Variants in COL18A1 observed in about 807,000 individuals in gnomAD.
The protein encoded by COL18A1 is collagen alpha-1(XVIII) chain.
In COL18A1, 133 loss-of-function variants were observed where a neutral mutation model predicts 168.0. That is an observed-to-expected ratio of 0.79 (90% CI 0.69 to 0.91). The LOEUF is 0.91. COL18A1 is among the 40% of genes least tolerant of loss of function. The probability of loss-of-function intolerance (pLI) is 0.00; values close to 1 mark genes in which losing one functional copy is unlikely to be tolerated. For synonymous variants in COL18A1, 949 were observed against 809.0 expected, an observed-to-expected ratio of 1.17 and a Z score of -2.94; for missense variants, 2,126 against 1,925.4, an observed-to-expected ratio of 1.10 and a Z score of -1.95.
At chr21:45,459,981 G>A (rs1300203021) in intron 2 of COL18A1, among the ~76,000 whole-genome samples, 2 of 144,052 alleles carry the variant, frequency 1.4e-5, no homozygotes, top group Non-Finnish European at 2.9e-5. Flanking sequence ...CCTGGGACCG[G>A]AGGCAGGTGA....
chr21:45,508,393 ATGG>A (rs2037366171), intron 38 of COL18A1, among the ~76,000 whole-genome samples: 1 of 136,910 alleles, frequency 7.3e-6, no homozygotes. Flanking sequence ...GGGCAGATGG[ATGG>A]TGGATAGGTA....
At chr21:45,496,001 CAT>C (rs1568928365) in intron 29 of COL18A1, 12 of 349,126 alleles carry the variant, frequency 3.4e-5, no homozygotes, top group Non-Finnish European at 5.1e-5. Flanking sequence ...TATATGCACA[CAT>C]GTGCACCCAT....
At chr21:45,497,151 C>T (rs1209714533) in intron 31 of COL18A1, 59 bp downstream of exon 31, 1 of 1,090,914 alleles carries the variant, frequency 9.2e-7, no homozygotes, top group East Asian at 2.3e-5. Flanking sequence ...TCCAGAGCCC[C>T]ACCTTCCTTC....
At chr21:45,405,264 G>C (rs1452475260) in intron 1 of COL18A1, 23 bp downstream of exon 1, 4 of 486,698 alleles carry the variant, frequency 8.2e-6, no homozygotes, top group Middle Eastern at 5.9e-4. Flanking sequence ...CTGCGGGCAG[G>C]GGTTGGGGGA....
chr21:45,418,468 G>C (rs1266943598), intron 2 of COL18A1, among the ~76,000 whole-genome samples: 1 of 152,144 alleles, frequency 6.6e-6, no homozygotes, highest in East Asian at 1.9e-4. Flanking sequence ...AACAGCTGCC[G>C]GGTGTTTAGA....
chr21:45,487,092 G>C, intron 16 of COL18A1, 100 bp downstream of exon 16: 4 of 1,215,008 alleles, frequency 3.3e-6, no homozygotes, highest in Non-Finnish European at 4.5e-6. Flanking sequence ...CACGTCCTGG[G>C]CGGTGGCCTT....
intron 2 of COL18A1, among the ~76,000 whole-genome samples, chr21:45,465,283 G>A (rs958519891): frequency 6.6e-5 from 10 of 152,322 alleles, no homozygotes; most frequent in Non-Finnish European, 1.0e-4. Flanking sequence ...TTGGGTCAGC[G>A]CTGACGGTGG....
At chr21:45,510,317 G>T in intron 40 of COL18A1, 56 bp downstream of exon 40, 1 of 1,535,344 alleles carries the variant, frequency 6.5e-7, no homozygotes, top group African/African-American at 1.4e-5. Context: ...TGACCTCTGG[G>T]GTGAACTCCC....
intron 3 of COL18A1, among the ~76,000 whole-genome samples, chr21:45,472,781 C>A (rs1379861123): frequency 6.7e-6 from 1 of 148,282 alleles, no homozygotes; most frequent in Non-Finnish European, 1.5e-5. Context: ...TGTGGGAAAC[C>A]CAGGGGGCCC....
In COL18A1 at chr21:45,473,954, G is replaced by A; in HGVS notation, c.711G>A (p.Leu237=). Residue 237 remains leucine, a synonymous_variant, in exon 4 of 42, where the codon CTG becomes CTA. Transcript: ENST00000651438. This position sits in a 1 kb window ranked among gnomAD's most constrained non-coding sequence, Gnocchi z 4.0. ...CCCAGGTGAGCCCCATGCACTGCCT[G>A]GACGAGGAAGGCGATGACTCAGATG... is the stretch of plus-strand genomic sequence containing the variant. ...RDPQVSPMHC[L]DEEGDDSDGA... The A allele has an allele frequency of 6.2e-7, 1 of 1,602,422 alleles. No homozygotes were observed. The highest frequency in any genetic ancestry group is 1.1e-5 in the South Asian group (1 of 88,788).
chr21:45,488,505 G>A, intron 18 of COL18A1, 61 bp downstream of exon 18: 1 of 1,612,242 alleles, frequency 6.2e-7, no homozygotes, highest in East Asian at 2.2e-5. Context: ...TCGACATCTT[G>A]GGGCTGGGGG....
rs374409305 is a variant in COL18A1 at position 45,474,824 on chromosome 21, G to A, written c.739-652G>A. On this transcript the variant is annotated intron_variant, in intron 4 of 41. Transcript: ENST00000651438. ...CGTGGCTGGACTGTGGGCAGTGTGT[G>A]AACATCCATGTTACTTTCATGCTTT... Among the ~76,000 whole-genome samples, 20 of 3,590 alleles carry A rather than the reference G, an allele frequency of 5.6e-3. No individual in the cohort carries two copies. The East Asian group carries it at 0.11, about 19-fold the overall frequency. 2.4% of individuals were successfully genotyped at this position (3,590 alleles called of 152,430 possible).
rs144527572 is a variant in COL18A1, at chr21:45,497,163, C to T, written c.2620+71C>T. 1.2e-3 allele frequency: 1,183 copies of T among 1,010,698 alleles called. 1 individual carries two copies. The highest frequency in any genetic ancestry group is 3.8e-3 in the African/African-American group (239 of 63,716). The allele number at this position is 1,010,698 out of a possible 1,614,324, so 62.6% of individuals were successfully genotyped here. On this transcript the variant is annotated intron_variant, in intron 31 of 41. Coordinates refer to ENST00000651438, the MANE Select transcript of COL18A1 (RefSeq NM_001379500.1). ...TGCTCCAGAGCCCCACCTTCCTTCC[C>T]GTGCCAGCAGCAGTGAGACTCCCCC...
At chr21:45,410,511 G>T (rs2033258841) in intron 2 of COL18A1, among the ~76,000 whole-genome samples, 1 of 152,336 alleles carries the variant, frequency 6.6e-6, no homozygotes, top group Admixed American at 6.5e-5. Context: ...GGAGGAGGGA[G>T]CGTGATTGGT....
At chr21:45,433,472 A>G (rs2034019881) in intron 2 of COL18A1, among the ~76,000 whole-genome samples, 1 of 152,134 alleles carries the variant, frequency 6.6e-6, no homozygotes, top group African/African-American at 2.4e-5. Flanking sequence ...CAGAGCACCA[A>G]GAAAATACCA....
intron 2 of COL18A1, chr21:45,456,002 T>A: frequency 6.2e-7 from 1 of 1,612,848 alleles, no homozygotes; most frequent in South Asian, 1.1e-5. Flanking sequence ...CGCTGGGCCT[T>A]CCAGCACCCC....
intron 2 of COL18A1, among the ~76,000 whole-genome samples, chr21:45,411,335 C>T (rs571740876): frequency 6.6e-6 from 1 of 152,278 alleles, no homozygotes; most frequent in African/African-American, 2.4e-5. Flanking sequence ...AACCTCAGAG[C>T]CCAGGGCTGT....
In COL18A1 at chr21:45,463,635, C is replaced by T. The variant is rs1001155734; in HGVS notation, c.107-4607C>T. Among the ~76,000 whole-genome samples, 4 of 152,166 alleles carry T rather than the reference C, an allele frequency of 2.6e-5. No homozygotes were observed. Among genetic ancestry groups the T allele is most frequent in the East Asian group, 1.9e-4 (1 of 5,192 alleles). On this transcript the variant is annotated intron_variant, in intron 2 of 41. Coordinates refer to ENST00000651438, the MANE Select transcript of COL18A1 (RefSeq NM_001379500.1). The surrounding 1 kb of genome is among the most constrained non-coding windows in gnomAD (Gnocchi z 4.0). ...AGTCTTGGCCAGGCATGGTGGCTCACGTCTGTAATCCCAGCACTTTGGGAT... is the reference window on the plus strand; with the variant it reads ...AGTCTTGGCCAGGCATGGTGGCTCATGTCTGTAATCCCAGCACTTTGGGAT...
At chr21:45,487,724 G>A (rs2036166411) in intron 17 of COL18A1, 1 of 690,818 alleles carries the variant, frequency 1.4e-6, no homozygotes, top group African/African-American at 1.8e-5. Context: ...TGAGGGCCTG[G>A]TCTGCAAAGT....
Sources: gnomAD v4.1 joint callset for allele counts (sites outside exome capture counted in the v4.1 genomes callset) on GRCh38, gnomAD v4.1.1 for gene constraint, Gnocchi (gnomAD v3.1) non-coding constraint, MANE v1.5 for transcripts, NCBI Gene and HGNC (gene_info 2026-07-23, HGNC 2026-07-21) for gene names.